The following NAV3 variants were observed in gnomAD, a reference collection of about 807,000 sequenced individuals.
The protein encoded by NAV3 is neuron navigator 3.
Under a neutral mutation model 244.7 loss-of-function variants are expected in NAV3, and 87 were observed. The observed-to-expected ratio is 0.36, with a 90% CI of 0.30 to 0.42. The LOEUF is 0.42. Ranked by LOEUF, NAV3 falls within the 20% of genes least tolerant of loss-of-function variation. The probability of loss-of-function intolerance (pLI) is 1.00; values close to 1 mark genes in which losing one functional copy is unlikely to be tolerated. For synonymous variants in NAV3, 1,126 were observed against 1,042.2 expected (o/e 1.08, Z -1.55); for missense variants, 2,663 against 2,893.3 (o/e 0.92, Z 1.83).
chr12:78,104,943 T>G (rs1954726507), intron 12 of NAV3, among the ~76,000 whole-genome samples: 1 of 152,144 alleles, frequency 6.6e-6, no homozygotes, highest in Admixed American at 6.5e-5. Context: ...TAAGAAAAAA[T>G]GTATGCTGGG....
intron 1 of NAV3, among the ~76,000 whole-genome samples, chr12:77,896,971 C>T (rs758943270): frequency 1.3e-5 from 2 of 152,288 alleles, no homozygotes; most frequent in East Asian, 3.9e-4. Flanking sequence ...TCTGTACCTC[C>T]CTGATCAAAG....
Position 78,185,685 on chromosome 12 carries a change from A to G in NAV3, c.5777A>G (p.Tyr1926Cys), listed in dbSNP as rs775142458. 4.4e-5 allele frequency: 71 copies of G among 1,607,620 alleles called. No individual in the cohort carries two copies. Among genetic ancestry groups the G allele is most frequent in the Non-Finnish European group, 5.9e-5 (70 of 1,176,894 alleles). Residue 1926 changes from tyrosine to cysteine, a missense_variant, in exon 31 of 40, where the codon TAT (tyrosine) becomes TGT (cysteine). By Grantham distance (194) the Tyr-to-Cys change is radical (BLOSUM62 -2). Coordinates refer to ENST00000397909, the MANE Select transcript of NAV3 (RefSeq NM_001024383.2). ...ATTATAGTCTCCATAAGCAAGGGCT[A>G]TGGTCGAGCAAAGGTACTTCTTTAA... ...VKIIVSISKGYGRAKDQKSQA... is the reference protein window; with the variant it reads ...VKIIVSISKGCGRAKDQKSQA...
At chr12:77,694,831 T>C (rs972561538) in intron 2 of NAV3, among the ~76,000 whole-genome samples, 1 of 152,158 alleles carries the variant, frequency 6.6e-6, no homozygotes, top group African/African-American at 2.4e-5. Flanking sequence ...TCCATAATTA[T>C]GCCAAGACAT....
intron 33 of NAV3, 88 bp downstream of exon 33, chr12:78,188,865 T>A: frequency 7.8e-7 from 1 of 1,278,924 alleles, no homozygotes; most frequent in Non-Finnish European, 1.1e-6. Flanking sequence ...CAGTTTCCCT[T>A]AAAATTTTTC....
chr12:77,960,502 T>G (rs948873604), intron 3 of NAV3, among the ~76,000 whole-genome samples: 4 of 149,442 alleles, frequency 2.7e-5, no homozygotes, highest in African/African-American at 9.8e-5. Flanking sequence ...TATAACACAT[T>G]AAAGTATATA....
chr12:77,756,187 G>T (rs1031374570), intron 2 of NAV3, among the ~76,000 whole-genome samples: 6 of 152,008 alleles, frequency 3.9e-5, no homozygotes, highest in Non-Finnish European at 7.4e-5. Flanking sequence ...TTTAATGCTT[G>T]TGCCTTTTTT....
chr12:77,854,587 A>G (rs73140042), intron 1 of NAV3, among the ~76,000 whole-genome samples: 240 of 128,488 alleles, frequency 1.9e-3, no homozygotes, highest in Middle Eastern at 8.1e-3. Context: ...GTATGTGTGT[A>G]TGTGTGTGTG....
rs143153952 is a variant in NAV3, at chr12:78,051,355, G to A, written c.2516+208G>A. Among the ~76,000 whole-genome samples the A allele has an allele frequency of 6.6e-5, 10 of 152,208 alleles. No homozygotes were observed. The East Asian group carries it at 1.2e-3, about 18-fold the overall frequency. Reference sequence around the variant, plus strand: ...GATTTCTATAAATTCATTATAAGCCGCTAAGTTTTTCTGTTGTTGAGAGAA... The same window carrying A: ...GATTTCTATAAATTCATTATAAGCCACTAAGTTTTTCTGTTGTTGAGAGAA... On this transcript the variant is annotated intron_variant, in intron 11 of 39. Coordinates refer to ENST00000397909, the MANE Select transcript of NAV3 (RefSeq NM_001024383.2).
intron 5 of NAV3, among the ~76,000 whole-genome samples, chr12:77,981,140 G>A (rs899164250): frequency 1.3e-5 from 2 of 152,160 alleles, no homozygotes; most frequent in Non-Finnish European, 2.9e-5. Context: ...CTTATTTATG[G>A]ATTAGGCAAT....
At chr12:77,619,320 G>T (rs989095561) in intron 2 of NAV3, among the ~76,000 whole-genome samples, 2 of 152,102 alleles carry the variant, frequency 1.3e-5, no homozygotes, top group African/African-American at 4.8e-5. Context: ...GTATTTTTTA[G>T]CTTCCTTTAG....
intron 23 of NAV3, among the ~76,000 whole-genome samples, chr12:78,167,530 A>T (rs559010473): frequency 2.4e-4 from 35 of 148,778 alleles, no homozygotes; most frequent in African/African-American, 7.4e-4. Context: ...TTTTTTTTTT[A>T]AAGTGTCTAA....
chr12:77,954,692 A>G (rs1287676520), intron 3 of NAV3, among the ~76,000 whole-genome samples: 2 of 152,190 alleles, frequency 1.3e-5, no homozygotes, highest in East Asian at 3.9e-4. Flanking sequence ...CATTCTTTAC[A>G]TGCACAGTAG....
At position 77,680,009 on chromosome 12, in the gene NAV3, G is replaced by T. The variant is rs537781087; in HGVS notation, c.72+107743G>T. The stretch of plus-strand genomic sequence containing the variant: ...AAGCTGAACTGAGTGAGAACGAAAA[G>T]AGAGGATTTATAGAAATAAGAGGAT... On this transcript the variant is annotated intron_variant, in intron 2 of 8. Transcript: ENST00000550042. Among the ~76,000 whole-genome samples the T allele has an allele frequency of 4.6e-5, 7 of 152,242 alleles. No homozygotes were observed. The East Asian group carries it at 1.4e-3, about 29-fold the overall frequency.
rs769840775 is a variant in NAV3 at position 78,118,242 on chromosome 12, C to A, written c.2985C>A (p.Ala995=). 1.2e-6 allele frequency: 2 copies of A among 1,612,906 alleles called. No homozygotes were observed. ...QTGSWRRGMS[A]QGGAPSRQKA... ...GTTCCTGGAGAAGAGGCATGTCTGCCCAAGGAGGGGCGCCATCTAGGCAGA... is the reference window on the plus strand; with the variant it reads ...GTTCCTGGAGAAGAGGCATGTCTGCACAAGGAGGGGCGCCATCTAGGCAGA... The change falls in exon 14 of 40, where the codon GCC becomes GCA. Residue 995 remains alanine, a synonymous_variant. Transcript: ENST00000397909.
intron 2 of NAV3, among the ~76,000 whole-genome samples, chr12:77,658,029 T>C (rs1300167453): frequency 6.6e-6 from 1 of 151,472 alleles, no homozygotes; most frequent in Admixed American, 6.6e-5. Context: ...CTGGAAGCAT[T>C]CCCTTTGAAA....
chr12:78,034,781 T>C (rs1879573743), intron 9 of NAV3, among the ~76,000 whole-genome samples: 4 of 152,180 alleles, frequency 2.6e-5, no homozygotes, highest in African/African-American at 9.7e-5. Context: ...GAAAAAAGAT[T>C]TTCTACTTAG....
At chr12:77,858,225 T>A (rs565336369) in intron 1 of NAV3, among the ~76,000 whole-genome samples, 6 of 152,000 alleles carry the variant, frequency 3.9e-5, no homozygotes, top group Admixed American at 2.6e-4. Flanking sequence ...TATTTAAAAC[T>A]CTGGAGTATG....
chr12:78,025,368 G>A (rs1471832219), intron 9 of NAV3, among the ~76,000 whole-genome samples: 1 of 151,876 alleles, frequency 6.6e-6, no homozygotes, highest in Non-Finnish European at 1.5e-5. Flanking sequence ...GAGGCCGAGG[G>A]GGTCAGGTAA....
chr12:78,107,291 G>T (rs1954851584), intron 12 of NAV3, among the ~76,000 whole-genome samples: 3 of 152,030 alleles, frequency 2.0e-5, no homozygotes, highest in African/African-American at 7.2e-5. Flanking sequence ...ATACCCCTGA[G>T]AGTGAAAAGA....
Sources: gnomAD v4.1 joint callset for allele counts (sites outside exome capture counted in the v4.1 genomes callset) on GRCh38, gnomAD v4.1.1 for gene constraint, MANE v1.5 for transcripts, NCBI Gene and HGNC (gene_info 2026-07-23, HGNC 2026-07-21) for gene names.